The following TXNRD1 variants were observed in gnomAD, a reference collection of about 807,000 sequenced individuals.
TXNRD1 encodes thioredoxin reductase 1, cytoplasmic.
TXNRD1 carries 57 observed loss-of-function variants against 80.3 expected under a neutral mutation model. That is an observed-to-expected ratio of 0.71 (90% CI 0.57 to 0.89). The LOEUF (loss-of-function observed/expected upper bound fraction) is 0.89. TXNRD1 is among the 40% of genes least tolerant of loss of function. TXNRD1 has a pLI of 0.00. For missense variants in TXNRD1, 730 were observed against 803.0 expected, an observed-to-expected ratio of 0.91 and a Z score of 1.10; for synonymous variants, 291 against 285.2, an observed-to-expected ratio of 1.02 and a Z score of -0.20.
rs376402484 is a variant in TXNRD1 at position 104,309,276 on chromosome 12, T to G, written c.415-2014T>G. ...GCCAATTGGTAAATTTTACCTACAGTGCTTAAAAATGGTGAGGTTCATTCA... is the reference window on the plus strand; with the variant it reads ...GCCAATTGGTAAATTTTACCTACAGGGCTTAAAAATGGTGAGGTTCATTCA... On this transcript the variant is annotated intron_variant, in intron 4 of 16. Transcript: ENST00000525566. 3.5e-3 allele frequency among the ~76,000 whole-genome samples: 538 copies of G among 152,312 alleles called. 38 individuals carry two copies. The South Asian group carries it at 0.11, about 30-fold the overall frequency.
intron 3 of TXNRD1, 127 bp from the exon 4 acceptor site, chr12:104,288,804 A>T: frequency 6.3e-7 from 1 of 1,592,622 alleles, no homozygotes; most frequent in Non-Finnish European, 8.6e-7. Context: ...GCTAACTTGC[A>T]AGGGAGTCAA....
intron 2 of TXNRD1, among the ~76,000 whole-genome samples, chr12:104,255,295 T>C (rs2033224410): frequency 6.6e-6 from 1 of 151,984 alleles, no homozygotes. Flanking sequence ...TTTCTTTTCT[T>C]TTTTTTAGTC....
chr12:104,248,422 T>C (rs1256402853), intron 1 of TXNRD1, among the ~76,000 whole-genome samples: 1 of 152,150 alleles, frequency 6.6e-6, no homozygotes, highest in Non-Finnish European at 1.5e-5. Flanking sequence ...GTAGCTGGGA[T>C]TACAGGCGCG....
chr12:104,266,234 A>G (rs1027685048), intron 3 of TXNRD1, among the ~76,000 whole-genome samples: 1 of 152,182 alleles, frequency 6.6e-6, no homozygotes, highest in Non-Finnish European at 1.5e-5. Context: ...TGGGATAATA[A>G]TACTAGGAAG....
chr12:104,331,461 G>A, intron 13 of TXNRD1, 73 bp from the exon 14 acceptor site: 2 of 949,522 alleles, frequency 2.1e-6, no homozygotes, highest in South Asian at 3.3e-5. Flanking sequence ...TGTCAATTTT[G>A]ACTTTTTTGA....
At chr12:104,345,957 T>C in intron 16 of TXNRD1, 1 of 1,288,642 alleles carries the variant, frequency 7.8e-7, no homozygotes, top group Non-Finnish European at 1.0e-6. Flanking sequence ...TAAAAATACA[T>C]GTTTTTATAA....
Position 104,288,947 on chromosome 12 carries a change from G to A in TXNRD1, c.321G>A (p.Leu107=). The A allele has an allele frequency of 6.2e-7, 1 of 1,614,054 alleles. No individual in the cohort carries two copies. The highest frequency in any genetic ancestry group is 8.5e-7 in the Non-Finnish European group (1 of 1,179,894). The part of the protein sequence containing the change: ...ELDQTEDGRA[L]EGTLSELAAE... ...GCCACACAGAGGACGGTCGGGCCCT[G>A]GAAGGAACGCTCTCGGAATTGGCCG... The change falls in exon 4 of 17, where the codon CTG becomes CTA. Residue 107 remains leucine (L), a synonymous_variant. Transcript: ENST00000525566.
chr12:104,293,858 G>A (rs562994071), intron 4 of TXNRD1, among the ~76,000 whole-genome samples: 18 of 152,318 alleles, frequency 1.2e-4, no homozygotes, highest in African/African-American at 3.8e-4. Context: ...AAGGCAGAAG[G>A]GGCAGGGTAA....
intron 4 of TXNRD1, among the ~76,000 whole-genome samples, chr12:104,307,119 A>G (rs781600328): frequency 6.6e-6 from 1 of 152,132 alleles, no homozygotes; most frequent in African/African-American, 2.4e-5. Context: ...AATGATGAGG[A>G]TGATGGATTG....
chr12:104,256,828 T>C (rs1473293213), intron 2 of TXNRD1, among the ~76,000 whole-genome samples: 1 of 150,354 alleles, frequency 6.7e-6, no homozygotes, highest in Non-Finnish European at 1.5e-5. Flanking sequence ...ACTAATGAGG[T>C]TGTATGAATG....
At chr12:104,224,467 C>G (rs1009231662) in intron 1 of TXNRD1, among the ~76,000 whole-genome samples, 1 of 152,154 alleles carries the variant, frequency 6.6e-6, no homozygotes, top group Non-Finnish European at 1.5e-5. Flanking sequence ...CGGCTCACTG[C>G]AACCTCTGCC....
chr12:104,310,104 G>A lies in TXNRD1; in HGVS notation c.415-1186G>A, dbSNP rs1274394606. ...AGAAATGTGCAGTTTGGGCTGGTAAGTTTGGGGGCTTTTTTTTGTTATTAA... is the reference window on the plus strand; with the variant it reads ...AGAAATGTGCAGTTTGGGCTGGTAAATTTGGGGGCTTTTTTTTGTTATTAA... On this transcript the variant is annotated intron_variant, in intron 4 of 16. Coordinates refer to ENST00000525566, the MANE Select transcript of TXNRD1 (RefSeq NM_001093771.3). 3.3e-6 allele frequency: 5 copies of A among 1,492,706 alleles called. No individual in the cohort carries two copies. In the South Asian group the frequency reaches 3.8e-5, roughly 11 times the overall value. The allele number at this position is 1,492,706 out of a possible 1,614,324, so 92.5% of individuals were successfully genotyped here. A position where few individuals can be genotyped will look rare whatever the true frequency, so the allele number is the denominator to read the frequency against.
intron 3 of TXNRD1, among the ~76,000 whole-genome samples, chr12:104,263,549 C>CT (rs932513632): frequency 1.3e-5 from 2 of 152,172 alleles, no homozygotes; most frequent in African/African-American, 4.8e-5. Context: ...CTCACAGGGC[C>CT]TGTTGATTTA....
intron 3 of TXNRD1, among the ~76,000 whole-genome samples, chr12:104,271,807 T>C (rs1455564099): frequency 1.3e-5 from 2 of 151,424 alleles, no homozygotes; most frequent in Non-Finnish European, 2.9e-5. Flanking sequence ...GAGGCAGAGG[T>C]TGCAGTAAGC....
Position 104,334,243 on chromosome 12 carries a change from C to T in TXNRD1, c.1657C>T (p.His553Tyr). ...KFGEENIEVY[H>Y]SYFWPLEWTI... ...TGCTTTTGTATCTTCTTAGGTTTAC[C>T]ATAGTTACTTTTGGCCATTGGAATG... The change falls in exon 15 of 17, where the codon CAT (histidine) becomes TAT (tyrosine). Residue 553 changes from histidine (H) to tyrosine (Y), a missense_variant. Physicochemically the swap from His to Tyr is moderately conservative, Grantham distance 83 (BLOSUM62 2). Coordinates refer to ENST00000525566, the MANE Select transcript of TXNRD1 (RefSeq NM_001093771.3). 3 of 1,512,200 alleles carry T rather than the reference C, an allele frequency of 2.0e-6. No homozygotes were observed. The highest frequency in any genetic ancestry group is 2.7e-6 in the Non-Finnish European group (3 of 1,128,014). The allele number at this position is 1,512,200 out of a possible 1,614,324, so 93.7% of individuals were successfully genotyped here. A position where few individuals can be genotyped will look rare whatever the true frequency, so the allele number is the denominator to read the frequency against.
At chr12:104,321,776 A>G (rs908180624) in intron 10 of TXNRD1, among the ~76,000 whole-genome samples, 3 of 152,190 alleles carry the variant, frequency 2.0e-5, no homozygotes, top group Non-Finnish European at 2.9e-5. Context: ...TGATTATCTC[A>G]TTTATTTATG....
chr12:104,287,196 G>A (rs909184852), intron 3 of TXNRD1: 39 of 1,590,942 alleles, frequency 2.5e-5, no homozygotes, highest in African/African-American at 1.2e-4. Flanking sequence ...GGGGACGACA[G>A]CATTGCGCCT....
chr12:104,267,645 G>GTGTCTTTC (rs1565869947), intron 3 of TXNRD1, among the ~76,000 whole-genome samples: 1 of 103,504 alleles, frequency 9.7e-6, no homozygotes, highest in African/African-American at 3.7e-5. Flanking sequence ...AGATGTGATG[G>GTGTCTTTC]TATCTTTCTT....
At chr12:104,305,710 G>C (rs1055366054) in intron 4 of TXNRD1, among the ~76,000 whole-genome samples, 13 of 152,156 alleles carry the variant, frequency 8.5e-5, no homozygotes, top group African/African-American at 3.1e-4. Flanking sequence ...ATCCTGAGAA[G>C]ATGTTTTTGT....
Sources: allele counts gnomAD v4.1 joint callset (sites outside exome capture counted in the v4.1 genomes callset), GRCh38; gene constraint gnomAD v4.1.1; transcripts MANE v1.5; gene names NCBI Gene and HGNC (gene_info 2026-07-23, HGNC 2026-07-21).